Variants in SH2B2 observed in about 807,000 individuals in gnomAD.
SH2B2 encodes the protein SH2B adapter protein 2.
SH2B2 carries 37 observed loss-of-function variants against 35.7 expected under a neutral mutation model. That is an observed-to-expected ratio of 1.04 (90% CI 0.80 to 1.36). The LOEUF (loss-of-function observed/expected upper bound fraction) is 1.36, where lower values mean the gene tolerates loss of function less well. Ranked by LOEUF, SH2B2 falls within the 40% of genes most tolerant of loss-of-function variation. SH2B2 has a pLI of 0.00. For synonymous variants in SH2B2, 383 were observed against 376.4 expected, an observed-to-expected ratio of 1.02 and a Z score of -0.20; for missense variants, 852 against 817.7, an observed-to-expected ratio of 1.04 and a Z score of -0.51.
intron 7 of SH2B2, 146 bp from the exon 8 acceptor site, chr7:102,320,185 A>G: frequency 1.6e-6 from 1 of 627,628 alleles, no homozygotes; most frequent in Non-Finnish European, 2.8e-6. Context: ...CCATCTCCAG[A>G]TGGGGCTCAT....
At chr7:102,292,203 C>G (rs1792698285) in intron 1 of SH2B2, among the ~76,000 whole-genome samples, 1 of 152,040 alleles carries the variant, frequency 6.6e-6, no homozygotes, top group East Asian at 1.9e-4. Context: ...GCCTGGGCAA[C>G]ATAGTGAGAC....
chr7:102,321,344 G>T lies in SH2B2; in HGVS notation c.1613G>T (p.Trp538Leu). Residue 538 changes from tryptophan (W) to leucine (L), a missense_variant, in exon 9 of 9, where the codon TGG (tryptophan) becomes TTG (leucine). Physicochemically the swap from Trp to Leu is moderately conservative, Grantham distance 61. Around this residue, in one of 3 missense-constraint regions of SH2B2, gnomAD observed 556 missense variants for 514.5 expected, o/e 1.08. Coordinates refer to ENST00000444095, the MANE Select transcript of SH2B2 (RefSeq NM_001359228.2). ...PPAAPASPAC[W>L]SDSPGQHYFS... ...GCCGCGCCCGCGTCCCCGGCCTGCTGGAGCGACTCGCCCGGCCAGCACTAC... is the reference window on the plus strand; with the variant it reads ...GCCGCGCCCGCGTCCCCGGCCTGCTTGAGCGACTCGCCCGGCCAGCACTAC... 1 of 1,441,862 alleles carries T rather than the reference G, an allele frequency of 6.9e-7. No individual in the cohort carries two copies. The highest frequency in any genetic ancestry group is 9.1e-7 in the Non-Finnish European group (1 of 1,103,206). 89.3% of individuals were successfully genotyped at this position (1,441,862 alleles called of 1,614,324 possible). A position where few individuals can be genotyped will look rare whatever the true frequency, so the allele number is the denominator to read the frequency against.
chr7:102,320,560 C>G (rs77842720), intron 8 of SH2B2, 58 bp downstream of exon 8: 2 of 1,560,016 alleles, frequency 1.3e-6, no homozygotes, highest in East Asian at 2.3e-5. Context: ...GTTGATTACT[C>G]AAGAAGGTGG....
intron 2 of SH2B2, among the ~76,000 whole-genome samples, chr7:102,301,537 CGT>C (rs139217859): frequency 0.018 from 2,607 of 147,864 alleles, 33 homozygotes; most frequent in South Asian, 0.034. Context: ...TTTTTCTTTT[CGT>C]GTGTGTGTGT....
upstream of SH2B2, chr7:102,285,205 C>G: frequency 6.4e-7 from 1 of 1,551,266 alleles, no homozygotes; most frequent in Non-Finnish European, 8.7e-7. Context: ...TCTCAGGACC[C>G]TCTCTGGCCG....
chr7:102,321,701 T>C lies in SH2B2; in HGVS notation c.*71T>C. On this transcript the variant is annotated 3_prime_UTR_variant, in exon 9 of 9. Coordinates refer to ENST00000444095, the MANE Select transcript of SH2B2 (RefSeq NM_001359228.2). Reference sequence around the variant, plus strand: ...ACACGATGTTATTAAAAGCCTGTTTTAGGGACTGCACCCGGCTCTCCTGTC... The same window carrying C: ...ACACGATGTTATTAAAAGCCTGTTTCAGGGACTGCACCCGGCTCTCCTGTC... The C allele has an allele frequency of 9.5e-7, 1 of 1,048,694 alleles. No homozygotes were observed. The highest frequency in any genetic ancestry group is 1.1e-6 in the Non-Finnish European group (1 of 870,196). 65.0% of individuals were successfully genotyped at this position (1,048,694 alleles called of 1,614,324 possible).
chr7:102,319,561 G>A (rs576275435), intron 7 of SH2B2, among the ~76,000 whole-genome samples: 5 of 152,228 alleles, frequency 3.3e-5, no homozygotes, highest in African/African-American at 9.6e-5. Flanking sequence ...TTTTATGCAG[G>A]TGGCCAGACC....
At chr7:102,293,544 G>C (rs559241754) in intron 1 of SH2B2, among the ~76,000 whole-genome samples, 5 of 151,678 alleles carry the variant, frequency 3.3e-5, no homozygotes, top group African/African-American at 1.2e-4. Flanking sequence ...GAGGTGGGGG[G>C]GTGTAATGGA....
intron 2 of SH2B2, among the ~76,000 whole-genome samples, chr7:102,304,982 G>A (rs1322296131): frequency 6.6e-6 from 1 of 152,244 alleles, no homozygotes; most frequent in Non-Finnish European, 1.5e-5. Context: ...CAGCCCCAAG[G>A]GGGCCTCAGG....
chr7:102,306,923 G>A (rs1221468813), intron 3 of SH2B2, 101 bp downstream of exon 3: 1 of 929,862 alleles, frequency 1.1e-6, no homozygotes, highest in African/African-American at 1.6e-5. Flanking sequence ...AGGAGCCTAA[G>A]GCAGGACAGT....
chr7:102,320,637 C>T, intron 8 of SH2B2, 135 bp downstream of exon 8: 1 of 1,210,526 alleles, frequency 8.3e-7, no homozygotes, highest in Non-Finnish European at 1.1e-6. Flanking sequence ...CCCACCCTAG[C>T]CTAGCCACAG....
intron 1 of SH2B2, among the ~76,000 whole-genome samples, chr7:102,294,489 C>A (rs1792824548): frequency 6.6e-6 from 1 of 152,190 alleles, no homozygotes; most frequent in African/African-American, 2.4e-5. Context: ...TTGCAGACAC[C>A]ACCTCCTGTG....
At position 102,320,409 on chromosome 7, in the gene SH2B2, C is replaced by T. The variant is rs782387375; in HGVS notation, c.1474C>T (p.Arg492Cys). ...GTTCCAGTCTGTGCTTGACATGCTC[C>T]GCCACTTCCACACACACCCCATCCC... ...LWFQSVLDMLRHFHTHPIPLE... is the reference protein window; with the variant it reads ...LWFQSVLDMLCHFHTHPIPLE... The change falls in exon 8 of 9, where the codon CGC becomes TGC. Residue 492 changes from arginine to cysteine, a missense_variant. Transcript: ENST00000444095. 10 of 1,613,542 alleles carry T rather than the reference C, an allele frequency of 6.2e-6. No homozygotes were observed. The Admixed American group carries it at 6.7e-5, about 11-fold the overall frequency.
intron 7 of SH2B2, among the ~76,000 whole-genome samples, chr7:102,319,478 G>A (rs1042227796): frequency 4.6e-5 from 7 of 152,100 alleles, no homozygotes; most frequent in Non-Finnish European, 8.8e-5. Context: ...GACCTCCCGT[G>A]ATCCATTCCC....
At chr7:102,293,282 C>T (rs1428674344) in intron 1 of SH2B2, 1 of 139,838 alleles carries the variant, frequency 7.2e-6, no homozygotes, top group African/African-American at 2.5e-5. Context: ...TCCCCCATGC[C>T]GGCTGGACCT....
chr7:102,287,119 C>G (rs1205545148), intron 1 of SH2B2, 25 bp downstream of exon 1: 1 of 152,094 alleles, frequency 6.6e-6, no homozygotes, highest in Non-Finnish European at 1.5e-5. Flanking sequence ...TACCCAGTTC[C>G]TCGCTCCCTG....
At position 102,314,546 on chromosome 7, in the gene SH2B2, C is replaced by T. The variant is rs1270105598; in HGVS notation, c.1050C>T (p.Ala350=). The T allele has an allele frequency of 1.8e-5, 7 of 398,770 alleles. No individual in the cohort carries two copies. Among genetic ancestry groups the T allele is most frequent in the East Asian group, 3.6e-5 (1 of 28,080 alleles). 24.7% of individuals were successfully genotyped at this position (398,770 alleles called of 1,614,324 possible). ...TGCCCCGCCCCCCAGAGACGACAGC[C>T]GTGGGTGCAGTGGTGACAGCCCCCC... ...VDLPRPPETT[A]VGAVVTAPHS... is the part of the protein sequence containing the mutation. Residue 350 remains alanine, a synonymous_variant, in exon 6 of 9, where the codon GCC becomes GCT. Transcript: ENST00000444095.
upstream of SH2B2, among the ~76,000 whole-genome samples, chr7:102,286,051 A>G (rs1554550805): frequency 6.6e-6 from 1 of 152,214 alleles, no homozygotes; most frequent in Non-Finnish European, 1.5e-5. Flanking sequence ...CTGTTTCCTC[A>G]GCCCCACTGG....
chr7:102,320,618 C>T lies in SH2B2; in HGVS notation c.1567+116C>T, dbSNP rs928585217. The T allele has an allele frequency of 1.0e-5, 14 of 1,344,304 alleles. No individual in the cohort carries two copies. In the African/African-American group the frequency reaches 1.7e-4, roughly 17 times the overall value. The allele number at this position is 1,344,304 out of a possible 1,614,324, so 83.3% of individuals were successfully genotyped here. A position where few individuals can be genotyped will look rare whatever the true frequency, so the allele number is the denominator to read the frequency against. On this transcript the variant is annotated intron_variant, in intron 8 of 8. Coordinates refer to ENST00000444095, the MANE Select transcript of SH2B2 (RefSeq NM_001359228.2). ...AGGTCTCCTGTCCCATAGCCTCAGCCGTGTCCCTCCCACCCTAGCCTAGCC... is the reference window on the plus strand; with the variant it reads ...AGGTCTCCTGTCCCATAGCCTCAGCTGTGTCCCTCCCACCCTAGCCTAGCC...
Sources: allele counts gnomAD v4.1 joint callset (sites outside exome capture counted in the v4.1 genomes callset), GRCh38; gene constraint gnomAD v4.1.1; regional missense constraint gnomAD v4.1.1; transcripts MANE v1.5; gene names NCBI Gene and HGNC (gene_info 2026-07-23, HGNC 2026-07-21).